EFTUD2: variants seen among roughly 807,000 people sequenced by gnomAD.
EFTUD2 encodes the protein 116 kDa U5 small nuclear ribonucleoprotein component.
Under a neutral mutation model 114.3 loss-of-function variants are expected in EFTUD2, and 9 were observed. That is an observed-to-expected ratio of 0.08 (90% CI 0.05 to 0.14). The LOEUF (loss-of-function observed/expected upper bound fraction) is 0.14. EFTUD2 is among the 10% of genes least tolerant of loss of function. EFTUD2 has a pLI of 1.00. For missense variants in EFTUD2, 765 were observed against 1,241.2 expected, an observed-to-expected ratio of 0.62 and a Z score of 5.76; for synonymous variants, 449 against 462.3, an observed-to-expected ratio of 0.97 and a Z score of 0.37.
At position 44,850,352 on chromosome 17, in the gene EFTUD2, A is replaced by T. The variant is rs958948210; in HGVS notation, c.*922T>A. On this transcript the variant is annotated 3_prime_UTR_variant, in exon 28 of 28. Transcript: ENST00000426333. ...CACAGGTGCTGTGTACACAATGTAC[A>T]GCGATTACGTCAAGAGGATGGCACA... is the stretch of plus-strand genomic sequence containing the variant. 2 of 1,613,290 alleles carry T rather than the reference A, an allele frequency of 1.2e-6. No homozygotes were observed. Among genetic ancestry groups the T allele is most frequent in the Non-Finnish European group, 1.7e-6 (2 of 1,179,620 alleles).
chr17:44,882,195 A>G (rs963292543), intron 6 of EFTUD2, among the ~76,000 whole-genome samples: 4 of 151,970 alleles, frequency 2.6e-5, no homozygotes, highest in Admixed American at 6.6e-5. Flanking sequence ...CAGCCTCCCA[A>G]AGTGCTGGGA....
At chr17:44,888,431 T>C (rs2051215520) in intron 2 of EFTUD2, among the ~76,000 whole-genome samples, 1 of 152,074 alleles carries the variant, frequency 6.6e-6, no homozygotes, top group South Asian at 2.1e-4. Context: ...CACCAGGGGT[T>C]TGGAGCAGAG....
At chr17:44,895,500 A>C (rs1161871859) in intron 1 of EFTUD2, among the ~76,000 whole-genome samples, 1 of 151,792 alleles carries the variant, frequency 6.6e-6, no homozygotes, top group Non-Finnish European at 1.5e-5. Flanking sequence ...CATCTCAAAA[A>C]AAAAAAAAAA....
At chr17:44,881,572 A>G (rs1182489980) in intron 7 of EFTUD2, 115 bp downstream of exon 7, 6 of 1,091,154 alleles carry the variant, frequency 5.5e-6, no homozygotes, top group Non-Finnish European at 7.0e-6. Flanking sequence ...AAGTGGAGAG[A>G]GAGGAGTAGG....
At chr17:44,865,822 C>CT (rs1182057556) in intron 13 of EFTUD2, among the ~76,000 whole-genome samples, 1 of 151,974 alleles carries the variant, frequency 6.6e-6, no homozygotes, top group Non-Finnish European at 1.5e-5. Context: ...GCTATATTCC[C>CT]TTTTTTAGAG....
intron 11 of EFTUD2, among the ~76,000 whole-genome samples, chr17:44,870,025 G>A (rs919369271): frequency 6.6e-6 from 1 of 152,210 alleles, no homozygotes; most frequent in African/African-American, 2.4e-5. Flanking sequence ...AGTAATTTCT[G>A]TGACCATGGG....
intron 5 of EFTUD2, 90 bp downstream of exon 5, chr17:44,883,559 C>T (rs2051111381): frequency 7.8e-7 from 1 of 1,280,136 alleles, no homozygotes; most frequent in East Asian, 2.3e-5. Context: ...CTTGTGACCT[C>T]AAACCTCAAC....
intron 10 of EFTUD2, among the ~76,000 whole-genome samples, chr17:44,874,009 C>T (rs537197230): frequency 6.0e-5 from 9 of 149,048 alleles, no homozygotes; most frequent in East Asian, 5.9e-4. Context: ...GCTGAGATTA[C>T]AGGCGTGAGC....
intron 8 of EFTUD2, 53 bp downstream of exon 8, chr17:44,880,501 A>G (rs2051053924): frequency 2.8e-6 from 4 of 1,404,060 alleles, no homozygotes; most frequent in Non-Finnish European, 4.0e-6. Context: ...GTGAGAGGAC[A>G]CACGCAAAAC....
intron 11 of EFTUD2, 115 bp from the exon 12 acceptor site, chr17:44,868,465 TC>T: frequency 3.3e-6 from 3 of 902,582 alleles, no homozygotes; most frequent in Non-Finnish European, 5.1e-6. Context: ...CTTTCCAGGG[TC>T]CAGGCAGTTC....
At chr17:44,880,932 A>G (rs2051061677) in intron 7 of EFTUD2, among the ~76,000 whole-genome samples, 1 of 152,246 alleles carries the variant, frequency 6.6e-6, no homozygotes, top group Non-Finnish European at 1.5e-5. Flanking sequence ...TCCTCTTTAT[A>G]CATTAGAAAC....
chr17:44,851,941 G>T, intron 26 of EFTUD2, 124 bp from the exon 27 acceptor site: 1 of 893,122 alleles, frequency 1.1e-6, no homozygotes. Context: ...TTTTGAGATG[G>T]AGTTTCGCTC....
intron 23 of EFTUD2, 107 bp from the exon 24 acceptor site, chr17:44,853,742 A>T (rs1567728532): frequency 1.9e-6 from 3 of 1,549,358 alleles, no homozygotes; most frequent in Non-Finnish European, 2.6e-6. Context: ...GCAGTCATGA[A>T]AGACATGGTA....
At position 44,886,758 on chromosome 17, in the gene EFTUD2, CAAGAGG is replaced by C. The variant is rs1567752579; in HGVS notation, c.106-14_106-9del. The C allele has an allele frequency of 4.3e-6, 7 of 1,611,792 alleles. No individual in the cohort carries two copies. The highest frequency in any genetic ancestry group is 1.1e-5 in the South Asian group (1 of 90,898). On this transcript the variant is annotated splice_polypyrimidine_tract_variant and intron_variant, in intron 2 of 27. Transcript: ENST00000426333. ...GTCGTCATCATCATCCATCTGAAAG[CAAGAGG>C]GAGAGGGAGAATCGAAGAGGCACAC...
At chr17:44,886,903 A>T (rs906461389) in intron 2 of EFTUD2, among the ~76,000 whole-genome samples, 153 bp from the exon 3 acceptor site, 1 of 151,940 alleles carries the variant, frequency 6.6e-6, no homozygotes, top group African/African-American at 2.4e-5. Context: ...CTCCTTTGAG[A>T]CCCTTCACAA....
Position 44,860,563 on chromosome 17 carries a change from G to C in EFTUD2, c.1608-20C>G. 1.4e-6 allele frequency: 2 copies of C among 1,424,504 alleles called. No individual in the cohort carries two copies. The highest frequency in any genetic ancestry group is 2.0e-6 in the Non-Finnish European group (2 of 1,008,708). The allele number at this position is 1,424,504 out of a possible 1,614,324, so 88.2% of individuals were successfully genotyped here. On this transcript the variant is annotated intron_variant, in intron 16 of 27. Transcript: ENST00000426333. ...TGGTACCTGAAGCAATGTCCAATAA[G>C]CAGCAGTGAAACTTAGGCAGAGCAT... is the stretch of plus-strand genomic sequence containing the variant.
At position 44,884,211 on chromosome 17, in the gene EFTUD2, C is replaced by T. The variant is rs550678821; in HGVS notation, c.351-487G>A. 2.6e-5 allele frequency: 4 copies of T among 152,392 alleles called. No individual in the cohort carries two copies. In the South Asian group the frequency reaches 6.4e-4, roughly 24 times the overall value. 9.4% of individuals were successfully genotyped at this position (152,392 alleles called of 1,614,324 possible). On this transcript the variant is annotated intron_variant, in intron 4 of 27. Transcript: ENST00000426333. ...CTAATTTTTGCATTTTCAGCAGAGA[C>T]GGGGTTTCACCATGTTGGTCAGGCA...
In EFTUD2 at chr17:44,854,422, A is replaced by T; in HGVS notation, c.2260-66T>A. Reference sequence around the variant, plus strand: ...AACGGCTGAAGCATTTAGAGGGAGAAGACAGATGTGCCTGTAAGGGGATAC... The same window carrying T: ...AACGGCTGAAGCATTTAGAGGGAGATGACAGATGTGCCTGTAAGGGGATAC... On this transcript the variant is annotated intron_variant, in intron 22 of 27. Transcript: ENST00000426333. The surrounding 1 kb of genome is among the most constrained non-coding windows in gnomAD (Gnocchi z 4.3). 1.3e-6 allele frequency: 2 copies of T among 1,585,810 alleles called. No homozygotes were observed. Among genetic ancestry groups the T allele is most frequent in the Non-Finnish European group, 1.7e-6 (2 of 1,161,906 alleles).
chr17:44,856,766 A>AC (rs1025215514), intron 20 of EFTUD2, among the ~76,000 whole-genome samples: 11 of 151,888 alleles, frequency 7.2e-5, no homozygotes, highest in African/African-American at 2.2e-4. Flanking sequence ...GTCAAAAAAA[A>AC]AAAAAACAAA....
Sources: gnomAD v4.1 joint callset for allele counts (sites outside exome capture counted in the v4.1 genomes callset) on GRCh38, gnomAD v4.1.1 for gene constraint, Gnocchi (gnomAD v3.1) non-coding constraint, MANE v1.5 for transcripts, NCBI Gene and HGNC (gene_info 2026-07-23, HGNC 2026-07-21) for gene names.